The following KIAA1217 variants were observed in gnomAD, a reference collection of about 807,000 sequenced individuals.
The protein encoded by KIAA1217 is KIAA1217.
A neutral mutation model predicts 163.9 loss-of-function variants in KIAA1217; 88 were observed. The observed-to-expected ratio is 0.54, with a 90% CI of 0.45 to 0.64. KIAA1217 has a LOEUF of 0.64. Among genes scored for constraint, KIAA1217 ranks in the 30% least tolerant of loss-of-function variants. KIAA1217 has a pLI of 0.00. For synonymous variants in KIAA1217, 903 were observed against 923.1 expected (o/e 0.98, Z 0.39); for missense variants, 2,372 against 2,475.0 (o/e 0.96, Z 0.88).
Position 23,790,377 on chromosome 10 carries a change from GTATATATACATATGTATATATACA to G in KIAA1217, c.-321+95150_-321+95173del, listed in dbSNP as rs1835783165. 4.4e-5 allele frequency among the ~76,000 whole-genome samples: 3 copies of G among 67,632 alleles called. No individual in the cohort carries two copies. In the Admixed American group the frequency reaches 5.1e-4, roughly 11 times the overall value. 44.4% of individuals were successfully genotyped at this position (67,632 alleles called of 152,430 possible). A position where few individuals can be genotyped will look rare whatever the true frequency, so the allele number is the denominator to read the frequency against. On this transcript the variant is annotated intron_variant, in intron 1 of 18. Transcript: ENST00000376462. Reference sequence around the variant, plus strand: ...TATATGCATATATACATATACATATGTATATATACATATGTATATATACATATATACATATACATATATACATAT... The same window carrying G: ...TATATGCATATATACATATACATATGTATATACATATACATATATACATAT...
chr10:24,127,543 G>T (rs558733785), intron 2 of KIAA1217, among the ~76,000 whole-genome samples: 1 of 151,992 alleles, frequency 6.6e-6, no homozygotes, highest in African/African-American at 2.4e-5. Flanking sequence ...TTTTACAGCC[G>T]GTGTACAGCT....
At chr10:23,898,363 A>C (rs543258763) in intron 1 of KIAA1217, among the ~76,000 whole-genome samples, 2 of 151,882 alleles carry the variant, frequency 1.3e-5, no homozygotes, top group Admixed American at 6.6e-5. Context: ...TACAACCATC[A>C]AACTATACTA....
chr10:24,214,148 C>T (rs2068509904), intron 1 of KIAA1217, among the ~76,000 whole-genome samples: 1 of 152,042 alleles, frequency 6.6e-6, no homozygotes, highest in African/African-American at 2.4e-5. Flanking sequence ...CAGAGCAAGA[C>T]CCTGTTTCTA....
At chr10:24,019,355 C>T (rs570218569) in intron 2 of KIAA1217, among the ~76,000 whole-genome samples, 1 of 150,818 alleles carries the variant, frequency 6.6e-6, no homozygotes, top group African/African-American at 2.4e-5. Flanking sequence ...AATGATGAGA[C>T]CTAACTCTCA....
At chr10:24,524,944 G>GGGGGAGACACCTGGCCTGTAGGAA (rs2071864372) in intron 13 of KIAA1217, among the ~76,000 whole-genome samples, 180 bp downstream of exon 13, 1 of 117,924 alleles carries the variant, frequency 8.5e-6, no homozygotes, top group Non-Finnish European at 2.0e-5. Flanking sequence ...TTTCAGAGAA[G>GGGGGAGACACCTGGCCTGTAGGAA]GGTGAGACAC....
At chr10:24,218,706 G>A (rs1318317900) in intron 1 of KIAA1217, among the ~76,000 whole-genome samples, 1 of 151,942 alleles carries the variant, frequency 6.6e-6, no homozygotes, top group African/African-American at 2.4e-5. Flanking sequence ...AGCCAGGATG[G>A]TCTCGATCTC....
intron 2 of KIAA1217, among the ~76,000 whole-genome samples, chr10:24,036,680 A>T (rs191924043): frequency 3.3e-5 from 5 of 152,200 alleles, no homozygotes; most frequent in African/African-American, 9.6e-5. Flanking sequence ...CAAGAGAGAG[A>T]CGGGAGGGCC....
intron 2 of KIAA1217, among the ~76,000 whole-genome samples, chr10:24,241,004 C>T (rs906698287): frequency 1.3e-5 from 2 of 152,066 alleles, no homozygotes; most frequent in Non-Finnish European, 2.9e-5. Context: ...TGCCACTGTG[C>T]CAGGCTAATT....
At chr10:24,468,927 T>G (rs1235065105) in intron 5 of KIAA1217, among the ~76,000 whole-genome samples, 1 of 152,212 alleles carries the variant, frequency 6.6e-6, no homozygotes, top group Non-Finnish European at 1.5e-5. Context: ...ATTTTAAAGG[T>G]TATTTATATA....
intron 3 of KIAA1217, among the ~76,000 whole-genome samples, chr10:24,407,285 T>TGTGC (rs1554851892): frequency 2.7e-5 from 4 of 148,938 alleles, no homozygotes; most frequent in African/African-American, 1.0e-4. Flanking sequence ...TGTGTGTGTG[T>TGTGC]GCGTGCGTGT....
At chr10:24,072,228 A>G (rs376565472) in intron 2 of KIAA1217, among the ~76,000 whole-genome samples, 4 of 151,922 alleles carry the variant, frequency 2.6e-5, no homozygotes, top group African/African-American at 9.7e-5. Flanking sequence ...GGGTCTCACT[A>G]TGTTGCCCAG....
chr10:23,889,409 C>CT (rs1387875979), intron 1 of KIAA1217, among the ~76,000 whole-genome samples: 1 of 151,862 alleles, frequency 6.6e-6, no homozygotes, highest in Non-Finnish European at 1.5e-5. Context: ...TGCTGAGCAC[C>CT]TTTGATAGGC....
chr10:24,355,734 T>G (rs2049014333), intron 2 of KIAA1217, among the ~76,000 whole-genome samples: 1 of 59,720 alleles, frequency 1.7e-5, no homozygotes. Context: ...CACTCTTTTT[T>G]TTTTTTTTTT....
At chr10:24,002,393 C>A (rs1048659923) in intron 1 of KIAA1217, among the ~76,000 whole-genome samples, 31 of 152,130 alleles carry the variant, frequency 2.0e-4, no homozygotes, top group Non-Finnish European at 5.9e-5. Context: ...ATTGCCCCCA[C>A]CTCTAACCAC....
intron 2 of KIAA1217, among the ~76,000 whole-genome samples, chr10:24,187,617 G>A (rs183442274): frequency 1.1e-3 from 169 of 152,254 alleles, no homozygotes; most frequent in Admixed American, 3.1e-3. Context: ...ATGGCCAGGC[G>A]CAGTGTCTCA....
chr10:24,243,013 T>C (rs1419683355), intron 2 of KIAA1217, among the ~76,000 whole-genome samples: 1 of 152,224 alleles, frequency 6.6e-6, no homozygotes, highest in African/African-American at 2.4e-5. Flanking sequence ...GTGAATATTT[T>C]CTCCCATTCT....
At chr10:23,854,448 T>C (rs1839534669) in intron 1 of KIAA1217, among the ~76,000 whole-genome samples, 1 of 152,186 alleles carries the variant, frequency 6.6e-6, no homozygotes, top group Non-Finnish European at 1.5e-5. Context: ...GTGGTCAATT[T>C]TGGAGTAGGT....
intron 1 of KIAA1217, among the ~76,000 whole-genome samples, chr10:23,717,037 A>G (rs1229770298): frequency 6.6e-6 from 1 of 152,120 alleles, no homozygotes; most frequent in Non-Finnish European, 1.5e-5. Flanking sequence ...ATGTTAAACA[A>G]CTAACCACAC....
chr10:23,895,166 C>T (rs1011374806), intron 1 of KIAA1217, among the ~76,000 whole-genome samples: 4 of 152,090 alleles, frequency 2.6e-5, no homozygotes, highest in African/African-American at 9.7e-5. Flanking sequence ...TAAAGAGCTT[C>T]TGTACAGCAA....
Sources: gnomAD v4.1 joint callset for allele counts (sites outside exome capture counted in the v4.1 genomes callset) on GRCh38, gnomAD v4.1.1 for gene constraint, MANE v1.5 for transcripts, NCBI Gene and HGNC (gene_info 2026-07-23, HGNC 2026-07-21) for gene names.